The following SHISA9 variants were observed in gnomAD, a reference collection of about 807,000 sequenced individuals.
SHISA9 encodes the protein shisa family member 9, also known as protein shisa-9.
Under a neutral mutation model 38.0 loss-of-function variants are expected in SHISA9, and 13 were observed. The observed-to-expected ratio is 0.34, with a 90% CI of 0.22 to 0.54. SHISA9 has a LOEUF of 0.54. SHISA9 is among the 20% of genes least tolerant of loss of function. The pLI is 0.91. For missense variants in SHISA9, 538 were observed against 575.8 expected, an observed-to-expected ratio of 0.93 and a Z score of 0.67; for synonymous variants, 275 against 242.0, an observed-to-expected ratio of 1.14 and a Z score of -1.27.
chr16:12,922,441 C>T (rs1280906184), intron 2 of SHISA9, among the ~76,000 whole-genome samples: 1 of 152,242 alleles, frequency 6.6e-6, no homozygotes, highest in African/African-American at 2.4e-5. Flanking sequence ...TCACCTCATA[C>T]CCCAGTGGCT....
chr16:12,926,827 T>C (rs916090504), intron 2 of SHISA9, among the ~76,000 whole-genome samples: 2 of 152,220 alleles, frequency 1.3e-5, no homozygotes, highest in African/African-American at 4.8e-5. Flanking sequence ...GGACTGACTT[T>C]GCCCACCGCT....
chr16:13,017,734 G>T (rs2072774737), intron 2 of SHISA9, among the ~76,000 whole-genome samples: 1 of 152,094 alleles, frequency 6.6e-6, no homozygotes, highest in Non-Finnish European at 1.5e-5. Context: ...TAGACTCAAG[G>T]CCCCTCAGCT....
At chr16:13,174,760 C>T (rs2050717096) in intron 2 of SHISA9, among the ~76,000 whole-genome samples, 1 of 152,048 alleles carries the variant, frequency 6.6e-6, no homozygotes, top group Non-Finnish European at 1.5e-5. Context: ...GGTAAGGGGA[C>T]CAGGGAGGCC....
At chr16:13,019,360 C>G (rs1211094565) in intron 2 of SHISA9, among the ~76,000 whole-genome samples, 2 of 152,104 alleles carry the variant, frequency 1.3e-5, no homozygotes, top group Non-Finnish European at 2.9e-5. Context: ...TCCGGCAGAT[C>G]CATTTTCTGG....
At chr16:13,483,481 G>A in the SHISA9 span, among the ~76,000 whole-genome samples, 1 of 152,174 alleles carries the variant, frequency 6.6e-6, no homozygotes, top group Non-Finnish European at 1.5e-5. Context: ...GGGTTGTGGT[G>A]TTTTGATATA....
At chr16:13,104,520 G>A (rs906623374) in intron 2 of SHISA9, among the ~76,000 whole-genome samples, 1 of 152,138 alleles carries the variant, frequency 6.6e-6, no homozygotes, top group African/African-American at 2.4e-5. Context: ...TTCAGCAATA[G>A]AAAAGGAATG....
At chr16:12,908,463 T>C (rs906578748) in intron 1 of SHISA9, 2 of 1,551,866 alleles carry the variant, frequency 1.3e-6, no homozygotes, top group African/African-American at 1.4e-5. Context: ...TTTCATACCC[T>C]TCCCCCATGA....
chr16:12,925,172 G>T (rs1186075999), intron 2 of SHISA9, among the ~76,000 whole-genome samples: 1 of 152,044 alleles, frequency 6.6e-6, no homozygotes, highest in Non-Finnish European at 1.5e-5. Context: ...GTGTGCATGG[G>T]AGTGTTTGTT....
chr16:13,400,437 C>G, the SHISA9 span, among the ~76,000 whole-genome samples: 1 of 152,198 alleles, frequency 6.6e-6, no homozygotes, highest in Non-Finnish European at 1.5e-5. Context: ...ATCTTTACCT[C>G]TGGGTCTGCT....
intron 1 of SHISA9, among the ~76,000 whole-genome samples, chr16:12,903,364 C>T (rs1425117393): frequency 2.0e-5 from 3 of 152,200 alleles, no homozygotes; most frequent in African/African-American, 4.8e-5. Context: ...GGGGCCCGAG[C>T]CCCCTCCTCG....
chr16:13,124,986 T>A (rs2050243905), intron 2 of SHISA9, among the ~76,000 whole-genome samples: 1 of 152,156 alleles, frequency 6.6e-6, no homozygotes, highest in Non-Finnish European at 1.5e-5. Flanking sequence ...ATTAAAGACT[T>A]AGATCTAAGA....
At chr16:13,085,112 G>A (rs888336012) in intron 2 of SHISA9, among the ~76,000 whole-genome samples, 2 of 152,102 alleles carry the variant, frequency 1.3e-5, no homozygotes, top group Non-Finnish European at 2.9e-5. Flanking sequence ...TCTGATTGTG[G>A]TGGATTGAGA....
chr16:13,258,607 AG>A, the SHISA9 span, among the ~76,000 whole-genome samples: 303 of 152,336 alleles, frequency 2.0e-3, no homozygotes, highest in Non-Finnish European at 3.0e-3. Flanking sequence ...GAACAAAAAG[AG>A]GCTTAGTTTG....
the SHISA9 span, among the ~76,000 whole-genome samples, chr16:13,381,959 A>C: frequency 2.6e-5 from 4 of 152,346 alleles, no homozygotes; most frequent in East Asian, 7.7e-4. Flanking sequence ...GCAAGTGAAA[A>C]AATGCTCAAT....
At chr16:13,222,482 C>A (rs1200822305) in intron 4 of SHISA9, among the ~76,000 whole-genome samples, 1 of 152,078 alleles carries the variant, frequency 6.6e-6, no homozygotes, top group Non-Finnish European at 1.5e-5. Context: ...TTTTTTAAAG[C>A]AAGTCAGGTA....
intron 4 of SHISA9, among the ~76,000 whole-genome samples, chr16:13,216,297 A>G (rs2051168520): frequency 6.6e-6 from 1 of 151,934 alleles, no homozygotes; most frequent in Admixed American, 6.6e-5. Context: ...GTTGTCTTCA[A>G]CCTCTCTGAT....
At chr16:12,981,776 G>A (rs1287515242) in intron 2 of SHISA9, among the ~76,000 whole-genome samples, 1 of 152,082 alleles carries the variant, frequency 6.6e-6, no homozygotes, top group Admixed American at 6.5e-5. Context: ...AGGTCATATG[G>A]GTGGACTCTA....
chr16:13,035,325 A>G (rs979922318), intron 2 of SHISA9, among the ~76,000 whole-genome samples: 12 of 152,158 alleles, frequency 7.9e-5, no homozygotes, highest in African/African-American at 2.4e-4. Context: ...CAAGGGGTCA[A>G]CCAGCTAGGA....
At chr16:13,026,456 G>A (rs1567186722) in intron 2 of SHISA9, among the ~76,000 whole-genome samples, 2 of 152,128 alleles carry the variant, frequency 1.3e-5, no homozygotes. Context: ...ATCTACTACA[G>A]TTTCTTTCTG....
Sources: gnomAD v4.1 joint callset for allele counts (sites outside exome capture counted in the v4.1 genomes callset) on GRCh38, gnomAD v4.1.1 for gene constraint, MANE v1.5 for transcripts, NCBI Gene and HGNC (gene_info 2026-07-23, HGNC 2026-07-21) for gene names.